Variants in GRXCR1 observed in about 807,000 individuals in gnomAD.
GRXCR1 encodes glutaredoxin and cysteine rich domain containing 1.
A neutral mutation model predicts 27.3 loss-of-function variants in GRXCR1; 27 were observed. That is an observed-to-expected ratio of 0.99 (90% confidence interval 0.73 to 1.37). The LOEUF (loss-of-function observed/expected upper bound fraction) is 1.37, where lower values mean the gene tolerates loss of function less well. GRXCR1 is among the 40% of genes most tolerant of loss of function. GRXCR1 has a pLI of 0.00. For synonymous variants in GRXCR1, 122 were observed against 131.1 expected, an observed-to-expected ratio of 0.93 and a Z score of 0.47; for missense variants, 379 against 354.4, an observed-to-expected ratio of 1.07 and a Z score of -0.56.
Position 42,925,020 on chromosome 4 carries a change from T to C in GRXCR1, c.384+31370T>C, listed in dbSNP as rs184539442. 1.0e-3 allele frequency among the ~76,000 whole-genome samples: 152 copies of C among 151,768 alleles called. 1 individual carries two copies. The highest frequency in any genetic ancestry group is 1.3e-4 in the Non-Finnish European group (9 of 67,882). Reference sequence around the variant, plus strand: ...GCAATTTGTTTGCAGATAATAGTTATATTATATGCCAATGTATGCATTGGC... The same window carrying C: ...GCAATTTGTTTGCAGATAATAGTTACATTATATGCCAATGTATGCATTGGC... On this transcript the variant is annotated intron_variant, in intron 1 of 3. Transcript: ENST00000399770.
intron 3 of GRXCR1, among the ~76,000 whole-genome samples, chr4:43,024,891 A>G (rs1415345218): frequency 1.3e-5 from 2 of 152,206 alleles, no homozygotes; most frequent in Non-Finnish European, 2.9e-5. Flanking sequence ...ATACTGCTTC[A>G]TAGACAATCT....
At chr4:42,998,195 G>A (rs148870598) in intron 2 of GRXCR1, among the ~76,000 whole-genome samples, 3 of 152,064 alleles carry the variant, frequency 2.0e-5, no homozygotes, top group Non-Finnish European at 4.4e-5. Context: ...CCTTCTGAAC[G>A]TGAGTCCATA....
intron 2 of GRXCR1, among the ~76,000 whole-genome samples, chr4:42,998,507 A>G (rs1176743087): frequency 6.6e-6 from 1 of 152,246 alleles, no homozygotes; most frequent in East Asian, 1.9e-4. Flanking sequence ...CGCAAGTGAA[A>G]GATACATTGT....
intron 2 of GRXCR1, among the ~76,000 whole-genome samples, chr4:42,982,005 C>T (rs1296559591): frequency 6.6e-6 from 1 of 151,234 alleles, no homozygotes. Flanking sequence ...AAGTGTTCTG[C>T]TATTATTGCT....
At chr4:42,961,929 C>T (rs1179859697) in intron 1 of GRXCR1, among the ~76,000 whole-genome samples, 5 of 151,936 alleles carry the variant, frequency 3.3e-5, no homozygotes, top group African/African-American at 1.2e-4. Flanking sequence ...TGTGGTTGTG[C>T]TTTAAAAAAT....
intron 1 of GRXCR1, among the ~76,000 whole-genome samples, chr4:42,953,376 C>T: frequency 6.6e-6 from 1 of 152,160 alleles, no homozygotes; most frequent in East Asian, 1.9e-4. Context: ...AGGATGTTTA[C>T]CCTTTGAACC....
chr4:42,997,747 G>A (rs998969330), intron 2 of GRXCR1, among the ~76,000 whole-genome samples: 7 of 152,130 alleles, frequency 4.6e-5, no homozygotes, highest in East Asian at 1.9e-4. Flanking sequence ...GCAGCCAATC[G>A]TAAGCCTGTT....
At chr4:43,010,677 T>C (rs1410605919) in intron 2 of GRXCR1, among the ~76,000 whole-genome samples, 1 of 150,170 alleles carries the variant, frequency 6.7e-6, no homozygotes, top group African/African-American at 2.5e-5. Flanking sequence ...AGATCACTTA[T>C]TTAAAAAAGT....
intron 2 of GRXCR1, among the ~76,000 whole-genome samples, chr4:43,019,360 C>G (rs897376164): frequency 6.6e-6 from 1 of 151,986 alleles, no homozygotes; most frequent in South Asian, 2.1e-4. Flanking sequence ...TTAAATGAGT[C>G]CTGCTTGGCA....
chr4:42,904,665 C>T (rs968255108), intron 1 of GRXCR1, among the ~76,000 whole-genome samples: 3 of 152,180 alleles, frequency 2.0e-5, no homozygotes, highest in South Asian at 4.2e-4. Flanking sequence ...GCATGTTTCT[C>T]GATGCCTGGT....
intron 1 of GRXCR1, among the ~76,000 whole-genome samples, chr4:42,898,355 T>C (rs1156941355): frequency 6.6e-6 from 1 of 152,056 alleles, no homozygotes; most frequent in Non-Finnish European, 1.5e-5. Context: ...CATCGTTTGA[T>C]TAAAGTGTCA....
chr4:43,003,373 G>T (rs997954256), intron 2 of GRXCR1, among the ~76,000 whole-genome samples: 2 of 152,124 alleles, frequency 1.3e-5, no homozygotes, highest in Admixed American at 6.6e-5. Flanking sequence ...AGGAAAGTGG[G>T]GCATTGCTAT....
chr4:43,030,283 GA>G (rs1713380735), intron 3 of GRXCR1, 77 bp from the exon 4 acceptor site: 1 of 1,352,614 alleles, frequency 7.4e-7, no homozygotes, highest in Non-Finnish European at 1.1e-6. Flanking sequence ...TCACAGTTCA[GA>G]AAGACCGGGA....
At position 42,893,477 on chromosome 4, in the gene GRXCR1, G is replaced by A. The variant is rs1746279756; in HGVS notation, c.211G>A (p.Asp71Asn). The change falls in exon 1 of 4, where the codon GAT (aspartate) becomes AAT (asparagine). Residue 71 changes from aspartate (D) to asparagine (N), a missense_variant. Physicochemically the swap from Asp to Asn is conservative, Grantham distance 23. Coordinates refer to ENST00000399770, the MANE Select transcript of GRXCR1 (RefSeq NM_001080476.3). ...GAATGGCCACATAGAGTCAGAAGGT[G>A]ATGAGAATGAGAATGACCAGGATAG... The part of the protein sequence containing the change: ...QQNGHIESEG[D>N]ENENDQDSLL... The A allele has an allele frequency of 6.2e-7, 1 of 1,613,890 alleles. No individual in the cohort carries two copies. Among genetic ancestry groups the A allele is most frequent in the Non-Finnish European group, 8.5e-7 (1 of 1,179,854 alleles).
At chr4:42,947,878 A>C (rs1747785368) in intron 1 of GRXCR1, among the ~76,000 whole-genome samples, 1 of 152,210 alleles carries the variant, frequency 6.6e-6, no homozygotes, top group African/African-American at 2.4e-5. Flanking sequence ...ATGGTATAGT[A>C]CATGTAGTGA....
chr4:43,011,509 G>C (rs915714455), intron 2 of GRXCR1, among the ~76,000 whole-genome samples: 1 of 152,140 alleles, frequency 6.6e-6, no homozygotes, highest in African/African-American at 2.4e-5. Flanking sequence ...TTAGACCTAG[G>C]GGTGGTAAGA....
At chr4:42,943,452 T>C (rs1412577228) in intron 1 of GRXCR1, among the ~76,000 whole-genome samples, 1 of 152,058 alleles carries the variant, frequency 6.6e-6, no homozygotes, top group Non-Finnish European at 1.5e-5. Flanking sequence ...CTAGAAGTAC[T>C]TGCTAACGAA....
chr4:43,023,281 A>G (rs1713149248), intron 3 of GRXCR1, among the ~76,000 whole-genome samples: 1 of 152,188 alleles, frequency 6.6e-6, no homozygotes, highest in African/African-American at 2.4e-5. Flanking sequence ...ATGGTAGTTT[A>G]TGACCACTCC....
intron 1 of GRXCR1, among the ~76,000 whole-genome samples, chr4:42,898,450 T>TG (rs35068458): frequency 0.26 from 39,806 of 151,890 alleles, 6,346 homozygotes; most frequent in Non-Finnish European, 0.36. Context: ...TATCTCAGGA[T>TG]GGGTAGTGTT....
Sources: allele counts gnomAD v4.1 joint callset (sites outside exome capture counted in the v4.1 genomes callset), GRCh38; gene constraint gnomAD v4.1.1; transcripts MANE v1.5; gene names NCBI Gene and HGNC (gene_info 2026-07-23, HGNC 2026-07-21).